Variants in RFC3 observed in about 807,000 individuals in gnomAD.
The protein encoded by RFC3 is replication factor C subunit 3.
Under a neutral mutation model 45.1 loss-of-function variants are expected in RFC3, and 41 were observed. The ratio of observed to expected loss-of-function variants is 0.91; its 90% CI spans 0.71 to 1.18. RFC3 has a LOEUF of 1.18. Ranked by LOEUF, RFC3 falls within the 50% of genes most tolerant of loss-of-function variation. The pLI is 0.00. For synonymous variants in RFC3, 149 were observed against 144.0 expected (o/e 1.03, Z -0.25); for missense variants, 423 against 428.1 (o/e 0.99, Z 0.10).
intron 8 of RFC3, among the ~76,000 whole-genome samples, chr13:33,927,957 A>G (rs1403798248): frequency 6.6e-6 from 1 of 152,164 alleles, no homozygotes; most frequent in Admixed American, 6.5e-5. Flanking sequence ...TAACATTCTC[A>G]TAACATCTAC....
intron 8 of RFC3, among the ~76,000 whole-genome samples, chr13:33,922,403 C>A (rs186470226): frequency 4.7e-4 from 72 of 152,034 alleles, no homozygotes; most frequent in African/African-American, 1.6e-3. Context: ...AATTTAAGGA[C>A]CCAAGCTAAT....
chr13:33,879,555 C>A (rs2082469048), intron 8 of RFC3, among the ~76,000 whole-genome samples: 1 of 152,154 alleles, frequency 6.6e-6, no homozygotes. Context: ...AAACAAAAAA[C>A]TTCCAAGACT....
chr13:33,951,527 C>G (rs754235851), intron 8 of RFC3, among the ~76,000 whole-genome samples: 1 of 152,092 alleles, frequency 6.6e-6, no homozygotes, highest in African/African-American at 2.4e-5. Flanking sequence ...CCACCACACC[C>G]AGCTGTAAAT....
At chr13:33,871,772 G>A (rs2137567793) in intron 8 of RFC3, among the ~76,000 whole-genome samples, 1 of 152,226 alleles carries the variant, frequency 6.6e-6, no homozygotes, top group Non-Finnish European at 1.5e-5. Flanking sequence ...GTAACATTGG[G>A]GCCATTCTCT....
At chr13:33,963,604 C>T (rs2083070672) in intron 8 of RFC3, among the ~76,000 whole-genome samples, 1 of 152,162 alleles carries the variant, frequency 6.6e-6, no homozygotes, top group Non-Finnish European at 1.5e-5. Flanking sequence ...CCTCGAGATG[C>T]TCTATAGAGC....
chr13:33,889,575 C>T (rs377555579), intron 8 of RFC3, among the ~76,000 whole-genome samples: 1 of 152,114 alleles, frequency 6.6e-6, no homozygotes, highest in Admixed American at 6.5e-5. Flanking sequence ...TTTCAAAATC[C>T]TCTTTTCTAG....
chr13:33,854,448 TA>T (rs1311820904), intron 8 of RFC3, among the ~76,000 whole-genome samples: 1 of 152,184 alleles, frequency 6.6e-6, no homozygotes, highest in African/African-American at 2.4e-5. Flanking sequence ...ACAGGGAAAT[TA>T]AATACCAATG....
chr13:33,904,599 A>G (rs769761665), intron 8 of RFC3, among the ~76,000 whole-genome samples: 2 of 152,060 alleles, frequency 1.3e-5, no homozygotes, highest in Non-Finnish European at 2.9e-5. Context: ...GCAAGGCCAG[A>G]TCATGTCACA....
At chr13:33,876,409 C>T (rs1432655949) in intron 8 of RFC3, among the ~76,000 whole-genome samples, 3 of 152,148 alleles carry the variant, frequency 2.0e-5, no homozygotes, top group African/African-American at 7.2e-5. Flanking sequence ...AATCAATGTT[C>T]ATTGCTTTCT....
In RFC3 at chr13:33,818,162, C is replaced by T. The variant is rs754312759; in HGVS notation, c.-17C>T. On this transcript the variant is annotated 5_prime_UTR_variant, in exon 1 of 9. Transcript: ENST00000380071. Reference sequence around the variant, plus strand: ...CGCGGGATTTTCAAGCGTAGGCCCCCGGGAACTCGAGCTGCCATGAGCCTC... The same window carrying T: ...CGCGGGATTTTCAAGCGTAGGCCCCTGGGAACTCGAGCTGCCATGAGCCTC... 1.5e-5 allele frequency: 24 copies of T among 1,607,622 alleles called. No homozygotes were observed. The highest frequency in any genetic ancestry group is 3.3e-5 in the South Asian group (3 of 90,712).
downstream of RFC3, among the ~76,000 whole-genome samples, chr13:33,968,102 T>A (rs888520129): frequency 6.6e-6 from 1 of 152,184 alleles, no homozygotes; most frequent in African/African-American, 2.4e-5. Flanking sequence ...ACCTTACCTC[T>A]CTAAAGCCAG....
chr13:33,899,204 C>CAAAAAAAAAAAAAAAAAAAAAAA lies in RFC3; in HGVS notation c.879+63990_879+64012dup, dbSNP rs59221382. On this transcript the variant is annotated intron_variant, in intron 8 of 8. Coordinates refer to the RFC3 transcript ENST00000434425. The stretch of plus-strand genomic sequence containing the variant: ...AAAACCAGACGAAGACACAATAAGA[C>CAAAAAAAAAAAAAAAAAAAAAAA]AAAAAAAAAAAAAAAAAAAAAAAAA... 1.5e-4 allele frequency among the ~76,000 whole-genome samples: 8 copies of CAAAAAAAAAAAAAAAAAAAAAAA among 51,968 alleles called. 1 individual carries two copies. Among genetic ancestry groups the CAAAAAAAAAAAAAAAAAAAAAAA allele is most frequent in the African/African-American group, 2.0e-4 (3 of 14,972 alleles). 34.1% of individuals were successfully genotyped at this position (51,968 alleles called of 152,430 possible).
intron 8 of RFC3, chr13:33,847,535 G>A (rs540422119): frequency 1.3e-5 from 2 of 151,844 alleles, no homozygotes; most frequent in Non-Finnish European, 2.9e-5. Context: ...AGCCATACCA[G>A]AAGCAGAAAT....
intron 8 of RFC3, among the ~76,000 whole-genome samples, chr13:33,895,088 G>A (rs2082589183): frequency 6.6e-6 from 1 of 152,128 alleles, no homozygotes; most frequent in East Asian, 1.9e-4. Context: ...TGGGGCATTG[G>A]CCTAGGCAAA....
chr13:33,885,460 T>G (rs1406108182), intron 8 of RFC3, among the ~76,000 whole-genome samples: 1 of 152,188 alleles, frequency 6.6e-6, no homozygotes, highest in African/African-American at 2.4e-5. Context: ...TTATACACAT[T>G]AAGTAATTTC....
Position 33,900,648 on chromosome 13 carries a change from G to A in RFC3, c.879+65431G>A, listed in dbSNP as rs563361163. On this transcript the variant is annotated intron_variant, in intron 8 of 8. Coordinates refer to the RFC3 transcript ENST00000434425. The stretch of plus-strand genomic sequence containing the variant: ...GCAAAGATTGTTTGTGTAAGACTTC[G>A]AAAGCACAGGCAACCAAAGCAAAAA... Among the ~76,000 whole-genome samples, 11 of 151,762 alleles carry A rather than the reference G, an allele frequency of 7.2e-5. No homozygotes were observed. The South Asian group carries it at 1.2e-3, about 17-fold the overall frequency.
At chr13:33,908,964 T>G (rs1473066772) in intron 8 of RFC3, among the ~76,000 whole-genome samples, 1 of 152,094 alleles carries the variant, frequency 6.6e-6, no homozygotes, top group Non-Finnish European at 1.5e-5. Flanking sequence ...TTCAACTAAT[T>G]GAGGCCCACC....
chr13:33,946,842 A>G (rs887009814), intron 8 of RFC3, among the ~76,000 whole-genome samples: 1 of 152,240 alleles, frequency 6.6e-6, no homozygotes, highest in Non-Finnish European at 1.5e-5. Flanking sequence ...GGTTAGTTGC[A>G]ATGTGAAATC....
At chr13:33,818,541 G>A (rs1253688466) in intron 1 of RFC3, among the ~76,000 whole-genome samples, 1 of 152,244 alleles carries the variant, frequency 6.6e-6, no homozygotes, top group Non-Finnish European at 1.5e-5. Context: ...AGGTAAGAGG[G>A]GACAGCAAGT....
Sources: gnomAD v4.1 joint callset for allele counts (sites outside exome capture counted in the v4.1 genomes callset) on GRCh38, gnomAD v4.1.1 for gene constraint, MANE v1.5 for transcripts, NCBI Gene and HGNC (gene_info 2026-07-23, HGNC 2026-07-21) for gene names.